KIAA1328: variants seen among roughly 807,000 people sequenced by gnomAD.
KIAA1328 encodes the protein KIAA1328.
In KIAA1328, 52 loss-of-function variants were observed where a neutral mutation model predicts 68.1. The observed-to-expected ratio is 0.76, with a 90% CI of 0.61 to 0.96. The LOEUF is 0.96. KIAA1328 is among the 40% of genes least tolerant of loss of function. The probability of loss-of-function intolerance (pLI) is 0.00; values close to 1 mark genes in which losing one functional copy is unlikely to be tolerated. For synonymous variants in KIAA1328, 232 were observed against 239.4 expected, an observed-to-expected ratio of 0.97 and a Z score of 0.28; for missense variants, 641 against 677.6, an observed-to-expected ratio of 0.95 and a Z score of 0.60.
At chr18:36,852,623 C>G (rs910977152) in intron 4 of KIAA1328, among the ~76,000 whole-genome samples, 1 of 152,172 alleles carries the variant, frequency 6.6e-6, no homozygotes, top group African/African-American at 2.4e-5. Flanking sequence ...TGTGGAAGCT[C>G]AGGGGCTACC....
intron 6 of KIAA1328, among the ~76,000 whole-genome samples, chr18:37,053,829 G>T (rs2055800299): frequency 6.6e-6 from 1 of 151,974 alleles, no homozygotes; most frequent in South Asian, 2.1e-4. Flanking sequence ...TTACAATTCA[G>T]ATTACAATTC....
intron 6 of KIAA1328, among the ~76,000 whole-genome samples, chr18:36,992,102 T>G (rs911616840): frequency 6.6e-6 from 1 of 152,238 alleles, no homozygotes; most frequent in Non-Finnish European, 1.5e-5. Context: ...ACTTTTCTTT[T>G]TAGTAATTTG....
At chr18:37,195,989 A>G (rs1297608414) in intron 9 of KIAA1328, among the ~76,000 whole-genome samples, 2 of 152,084 alleles carry the variant, frequency 1.3e-5, no homozygotes, top group Non-Finnish European at 2.9e-5. Flanking sequence ...TCAGTATTTT[A>G]TAGTTTTCCT....
chr18:37,230,110 C>A (rs2060658167), downstream of KIAA1328: 1 of 152,280 alleles, frequency 6.6e-6, no homozygotes. Flanking sequence ...GTTAAATGAG[C>A]TAACACAGGT....
chr18:37,189,707 T>C (rs2059868954), intron 9 of KIAA1328, among the ~76,000 whole-genome samples: 1 of 152,160 alleles, frequency 6.6e-6, no homozygotes, highest in African/African-American at 2.4e-5. Context: ...ATAATCTCTC[T>C]TTAGAGGGCT....
intron 4 of KIAA1328, among the ~76,000 whole-genome samples, chr18:36,854,291 T>A (rs2047313852): frequency 6.6e-6 from 1 of 152,182 alleles, no homozygotes; most frequent in African/African-American, 2.4e-5. Context: ...AGGAAATAAG[T>A]TTCAGTTGTT....
Position 37,224,117 on chromosome 18 carries a change from C to T in KIAA1328, c.*1890C>T, listed in dbSNP as rs1259440277. ...TTCAGTTAAAGTTAGGTTGCCAGAACTTTCTTTTCCTTGCCCCCTGTGTCA... is the reference window on the plus strand; with the variant it reads ...TTCAGTTAAAGTTAGGTTGCCAGAATTTTCTTTTCCTTGCCCCCTGTGTCA... On this transcript the variant is annotated 3_prime_UTR_variant, in exon 10 of 10. Transcript: ENST00000280020. 1.0e-6 allele frequency: 1 copy of T among 985,372 alleles called. No homozygotes were observed. Among genetic ancestry groups the T allele is most frequent in the Non-Finnish European group, 1.2e-6 (1 of 829,938 alleles). The allele number at this position is 985,372 out of a possible 1,614,324, so 61.0% of individuals were successfully genotyped here. A position where few individuals can be genotyped will look rare whatever the true frequency, so the allele number is the denominator to read the frequency against.
At chr18:37,119,370 T>C (rs2058208387) in intron 7 of KIAA1328, among the ~76,000 whole-genome samples, 1 of 152,094 alleles carries the variant, frequency 6.6e-6, no homozygotes, top group Non-Finnish European at 1.5e-5. Flanking sequence ...ACAACAAAAA[T>C]GCCATATATT....
intron 6 of KIAA1328, among the ~76,000 whole-genome samples, chr18:37,005,842 G>A (rs951905228): frequency 1.3e-5 from 2 of 151,988 alleles, no homozygotes; most frequent in Admixed American, 6.6e-5. Context: ...AGTGAAATAA[G>A]GTAGGCAAAA....
chr18:37,064,375 T>C (rs1031820610), intron 6 of KIAA1328, among the ~76,000 whole-genome samples: 3 of 152,198 alleles, frequency 2.0e-5, no homozygotes, highest in Non-Finnish European at 2.9e-5. Context: ...CATCAGTCCA[T>C]CATTTGCAAC....
intron 9 of KIAA1328, among the ~76,000 whole-genome samples, chr18:37,209,755 GAA>G (rs569074264): frequency 7.2e-6 from 1 of 139,244 alleles, no homozygotes; most frequent in Non-Finnish European, 1.6e-5. Flanking sequence ...GGGATTCAGA[GAA>G]AAAAAAAAAA....
chr18:37,208,009 A>T (rs1335249698), intron 9 of KIAA1328, among the ~76,000 whole-genome samples: 1 of 152,026 alleles, frequency 6.6e-6, no homozygotes, highest in Non-Finnish European at 1.5e-5. Context: ...GGGTTTCACC[A>T]TGTTGGCCAG....
downstream of KIAA1328, chr18:37,230,667 G>C (rs1285005386): frequency 6.6e-6 from 1 of 152,108 alleles, no homozygotes; most frequent in African/African-American, 2.4e-5. Flanking sequence ...TAACAATTCT[G>C]TGGCCCCAAA....
chr18:37,150,453 A>G (rs1183131307), intron 7 of KIAA1328, among the ~76,000 whole-genome samples: 1 of 152,112 alleles, frequency 6.6e-6, no homozygotes, highest in African/African-American at 2.4e-5. Context: ...CCACTGGACT[A>G]TAGGAAGAAG....
chr18:37,041,478 T>C (rs368571981), intron 6 of KIAA1328, among the ~76,000 whole-genome samples: 1 of 152,140 alleles, frequency 6.6e-6, no homozygotes, highest in African/African-American at 2.4e-5. Flanking sequence ...TCTTATTTTA[T>C]CTAGTTTGAC....
At chr18:36,946,377 T>A (rs2050901163) in intron 5 of KIAA1328, 1 of 152,162 alleles carries the variant, frequency 6.6e-6, no homozygotes, top group Admixed American at 6.5e-5. Flanking sequence ...CTCACTGGTG[T>A]GAAAGAGGGT....
At chr18:36,952,633 G>A (rs1477839205) in intron 5 of KIAA1328, among the ~76,000 whole-genome samples, 1 of 152,156 alleles carries the variant, frequency 6.6e-6, no homozygotes, top group African/African-American at 2.4e-5. Flanking sequence ...AAGTCTATGC[G>A]TTTACTGAAT....
At chr18:37,031,254 T>A (rs2054816217) in intron 6 of KIAA1328, among the ~76,000 whole-genome samples, 1 of 152,212 alleles carries the variant, frequency 6.6e-6, no homozygotes, top group Non-Finnish European at 1.5e-5. Context: ...ACTTTTTCCA[T>A]CAGTTACTAA....
chr18:36,947,143 G>A (rs2151207418), intron 5 of KIAA1328, among the ~76,000 whole-genome samples: 1 of 152,232 alleles, frequency 6.6e-6, no homozygotes, highest in African/African-American at 2.4e-5. Context: ...CAGCCTGGGC[G>A]ACAGAGCAAG....
Sources: allele counts gnomAD v4.1 joint callset (sites outside exome capture counted in the v4.1 genomes callset), GRCh38; gene constraint gnomAD v4.1.1; transcripts MANE v1.5; gene names NCBI Gene and HGNC (gene_info 2026-07-23, HGNC 2026-07-21).